CEP350: variants seen among roughly 807,000 people sequenced by gnomAD.
The protein encoded by CEP350 is centrosomal protein 350, also known as centrosome-associated protein 350.
In CEP350, 126 loss-of-function variants were observed where a neutral mutation model predicts 331.8. The observed-to-expected ratio is 0.38, with a 90% confidence interval of 0.33 to 0.44. The LOEUF (loss-of-function observed/expected upper bound fraction) is 0.44, where lower values mean the gene tolerates loss of function less well. Ranked by LOEUF, CEP350 falls within the 20% of genes least tolerant of loss-of-function variation. CEP350 has a pLI of 1.00. For synonymous variants in CEP350, 1,200 were observed against 1,259.5 expected (o/e 0.95, Z 1.00); for missense variants, 3,406 against 3,634.6 (o/e 0.94, Z 1.62).
intron 1 of CEP350, among the ~76,000 whole-genome samples, chr1:179,967,094 T>C (rs12145411): frequency 0.15 from 22,884 of 152,208 alleles, 1,888 homozygotes; most frequent in African/African-American, 0.2. Flanking sequence ...TCTTAGACTA[T>C]ACTTTATACA....
Position 180,084,146 on chromosome 1 carries a change from G to T in CEP350, c.6253G>T (p.Ala2085Ser). Residue 2085 changes from alanine (A) to serine (S), a missense_variant, in exon 31 of 38, where the codon GCC becomes TCC. Physicochemically the swap from Ala to Ser is moderately conservative, Grantham distance 99. This residue lies in a region of CEP350 where 1,415 missense variants were observed against 1,512.3 expected (regional missense o/e 0.94). Transcript: ENST00000367607. Reference sequence around the variant, plus strand: ...AAAAAGGCAAAAGGAAAGACTGAAAGCCCAAGAAGCCAGTCTGATCAAGCA... The same window carrying T: ...AAAAAGGCAAAAGGAAAGACTGAAATCCCAAGAAGCCAGTCTGATCAAGCA... ...QKKRQKERLK[A>S]QEASLIKQLE... 1.3e-6 allele frequency: 2 copies of T among 1,586,202 alleles called. No individual in the cohort carries two copies. Among genetic ancestry groups the T allele is most frequent in the Admixed American group, 1.8e-5 (1 of 55,578 alleles).
At chr1:179,962,100 G>T (rs1650672910) in intron 1 of CEP350, among the ~76,000 whole-genome samples, 1 of 152,074 alleles carries the variant, frequency 6.6e-6, no homozygotes, top group African/African-American at 2.4e-5. Flanking sequence ...GCCCACCTTG[G>T]CCTCCCAAGG....
chr1:180,103,332 CT>C (rs1660935092), intron 37 of CEP350, among the ~76,000 whole-genome samples: 1 of 152,032 alleles, frequency 6.6e-6, no homozygotes, highest in Admixed American at 6.6e-5. Context: ...CTTGTGCAAG[CT>C]TCCAGCTTGT....
At chr1:180,057,707 A>C (rs1050538752) in intron 25 of CEP350, among the ~76,000 whole-genome samples, 35 of 152,204 alleles carry the variant, frequency 2.3e-4, no homozygotes, top group African/African-American at 6.5e-4. Context: ...AGAGTTATCA[A>C]CTGTTCATCT....
At chr1:180,007,062 A>G (rs369836702) in intron 8 of CEP350, among the ~76,000 whole-genome samples, 331 of 152,302 alleles carry the variant, frequency 2.2e-3, no homozygotes, top group Middle Eastern at 0.01. Flanking sequence ...TGGTGCTGCA[A>G]TAAACATATG....
intron 14 of CEP350, among the ~76,000 whole-genome samples, chr1:180,027,545 T>G (rs1655761950): frequency 6.6e-6 from 1 of 151,974 alleles, no homozygotes; most frequent in Non-Finnish European, 1.5e-5. Context: ...ACACCCCACC[T>G]GGCTAATTTT....
chr1:180,043,678 G>A (rs1656915671), intron 20 of CEP350, among the ~76,000 whole-genome samples: 1 of 152,140 alleles, frequency 6.6e-6, no homozygotes, highest in South Asian at 2.1e-4. Flanking sequence ...TCAAGGTATA[G>A]GACCTTGCAG....
intron 1 of CEP350, among the ~76,000 whole-genome samples, chr1:179,958,356 C>T (rs1361024426): frequency 2.0e-5 from 3 of 152,050 alleles, no homozygotes; most frequent in African/African-American, 7.2e-5. Context: ...ATTTTAACAG[C>T]ATAGGAATTG....
At chr1:180,036,185 C>T (rs1278054353) in intron 16 of CEP350, among the ~76,000 whole-genome samples, 1 of 152,092 alleles carries the variant, frequency 6.6e-6, no homozygotes, top group Non-Finnish European at 1.5e-5. Flanking sequence ...AGTCTCATGA[C>T]AAAAGTTGAA....
intron 1 of CEP350, among the ~76,000 whole-genome samples, chr1:179,960,029 G>A (rs1650470802): frequency 1.3e-5 from 2 of 151,982 alleles, no homozygotes; most frequent in South Asian, 2.1e-4. Flanking sequence ...GAAATAAATG[G>A]GTCCTATGCA....
chr1:180,001,305 C>G (rs1032983240), intron 6 of CEP350, among the ~76,000 whole-genome samples: 2 of 152,148 alleles, frequency 1.3e-5, no homozygotes, highest in African/African-American at 4.8e-5. Context: ...GTCGCCCAGG[C>G]TGGAGTGCAG....
intron 37 of CEP350, among the ~76,000 whole-genome samples, chr1:180,101,542 G>T (rs1660812673): frequency 6.6e-6 from 1 of 152,092 alleles, no homozygotes; most frequent in East Asian, 1.9e-4. Context: ...GACCATATGT[G>T]TGTGGACTTT....
intron 5 of CEP350, among the ~76,000 whole-genome samples, chr1:179,995,463 G>A (rs899220760): frequency 1.3e-5 from 2 of 152,152 alleles, no homozygotes; most frequent in Non-Finnish European, 2.9e-5. Flanking sequence ...AAGTTAGCCA[G>A]GCATCATGGC....
intron 6 of CEP350, among the ~76,000 whole-genome samples, chr1:179,997,504 C>T (rs572064381): frequency 6.7e-6 from 1 of 149,670 alleles, no homozygotes; most frequent in African/African-American, 2.5e-5. Context: ...GATCTCACCA[C>T]TGCACTCCAG....
intron 22 of CEP350, among the ~76,000 whole-genome samples, chr1:180,051,967 C>T (rs1021239015): frequency 2.0e-5 from 3 of 152,068 alleles, no homozygotes; most frequent in Admixed American, 6.6e-5. Flanking sequence ...GGAAGATACA[C>T]AAGAAAGGAA....
At chr1:180,005,139 A>G (rs2148763272) in intron 7 of CEP350, among the ~76,000 whole-genome samples, 1 of 151,204 alleles carries the variant, frequency 6.6e-6, no homozygotes, top group Admixed American at 6.6e-5. Context: ...AGGGCTTTAA[A>G]TGTTCCCTGT....
chr1:180,102,860 G>T (rs1660903246), intron 37 of CEP350, among the ~76,000 whole-genome samples: 1 of 152,164 alleles, frequency 6.6e-6, no homozygotes, highest in Admixed American at 6.5e-5. Flanking sequence ...TTATAATTTT[G>T]AAGCAGCATC....
rs924804172 is a variant in CEP350 at position 180,111,156 on chromosome 1, G to T, written c.9349G>T (p.Val3117Leu). The T allele has an allele frequency of 1.7e-5, 27 of 1,613,496 alleles. No individual in the cohort carries two copies. The highest frequency in any genetic ancestry group is 2.0e-5 in the Non-Finnish European group (24 of 1,179,564). The change falls in exon 38 of 38, where the codon GTG becomes TTG. Residue 3117 changes from valine to leucine, a missense_variant. By Grantham distance (32) the Val-to-Leu change is conservative. Coordinates refer to ENST00000367607, the MANE Select transcript of CEP350 (RefSeq NM_014810.5). ...TGAAAAGCAGGGGAGAATGCTACTTGTGTGACATCTTGCAAATAAATCGAA... is the reference window on the plus strand; with the variant it reads ...TGAAAAGCAGGGGAGAATGCTACTTTTGTGACATCTTGCAAATAAATCGAA... ...ISEKQGRMLL[V>L]
chr1:180,031,530 TAAAG>T, intron 15 of CEP350, 36 bp downstream of exon 15: 6 of 989,440 alleles, frequency 6.1e-6, no homozygotes, highest in African/African-American at 1.7e-5. Context: ...TATATATAAT[TAAAG>T]ATATATAATT....
Sources: allele counts gnomAD v4.1 joint callset (sites outside exome capture counted in the v4.1 genomes callset), GRCh38; gene constraint gnomAD v4.1.1; regional missense constraint gnomAD v4.1.1; transcripts MANE v1.5; gene names NCBI Gene and HGNC (gene_info 2026-07-23, HGNC 2026-07-21).